TMEM117: variants seen among roughly 807,000 people sequenced by gnomAD.
TMEM117 encodes transmembrane protein 117.
A neutral mutation model predicts 52.4 loss-of-function variants in TMEM117; 27 were observed. The observed-to-expected ratio is 0.51, with a 90% confidence interval of 0.38 to 0.71. The LOEUF (loss-of-function observed/expected upper bound fraction) is 0.71. Ranked by LOEUF, TMEM117 falls within the 30% of genes least tolerant of loss-of-function variation. The probability of loss-of-function intolerance (pLI) is 0.00; values close to 1 mark genes in which losing one functional copy is unlikely to be tolerated. For synonymous variants in TMEM117, 215 were observed against 206.3 expected, an observed-to-expected ratio of 1.04 and a Z score of -0.36; for missense variants, 556 against 630.5, an observed-to-expected ratio of 0.88 and a Z score of 1.26.
intron 4 of TMEM117, among the ~76,000 whole-genome samples, chr12:44,179,477 G>A (rs1335229996): frequency 1.3e-5 from 2 of 152,244 alleles, no homozygotes; most frequent in South Asian, 4.1e-4. Context: ...GGAACCTGGA[G>A]TCTGATGTCG....
chr12:44,243,469 A>C (rs2138488447), intron 5 of TMEM117, among the ~76,000 whole-genome samples: 1 of 152,034 alleles, frequency 6.6e-6, no homozygotes, highest in South Asian at 2.1e-4. Context: ...GTATAAATGC[A>C]TTCAAACCAG....
At chr12:44,086,457 C>T (rs1225732879) in intron 3 of TMEM117, among the ~76,000 whole-genome samples, 10 of 151,942 alleles carry the variant, frequency 6.6e-5, no homozygotes, top group East Asian at 1.9e-4. Context: ...CCTCGTGATC[C>T]GCCCCTCTCA....
chr12:44,113,909 G>A (rs1948082181), intron 3 of TMEM117, among the ~76,000 whole-genome samples: 1 of 101,290 alleles, frequency 9.9e-6, no homozygotes, highest in Admixed American at 1.0e-4. Context: ...ATAGTCTCGT[G>A]GTGCGCCGTT....
chr12:44,068,780 G>T (rs1246686684), intron 3 of TMEM117, among the ~76,000 whole-genome samples: 1 of 152,198 alleles, frequency 6.6e-6, no homozygotes, highest in African/African-American at 2.4e-5. Flanking sequence ...AGCCCATGCT[G>T]TTGGGAAAAC....
chr12:44,364,642 G>A (rs1951765741), intron 6 of TMEM117, among the ~76,000 whole-genome samples: 1 of 152,052 alleles, frequency 6.6e-6, no homozygotes, highest in South Asian at 2.1e-4. Context: ...TCCTTTAAGT[G>A]AAGGGCTTCT....
intron 3 of TMEM117, among the ~76,000 whole-genome samples, chr12:44,032,363 TAA>T (rs1946646824): frequency 6.6e-6 from 1 of 152,260 alleles, no homozygotes; most frequent in Non-Finnish European, 1.5e-5. Flanking sequence ...CAGTTGATTT[TAA>T]GTTTGTTTCT....
intron 6 of TMEM117, among the ~76,000 whole-genome samples, chr12:44,371,682 G>A (rs1951865719): frequency 6.6e-6 from 1 of 152,138 alleles, no homozygotes; most frequent in Non-Finnish European, 1.5e-5. Context: ...TCAAGTTTGA[G>A]TTTCCCTGAA....
chr12:44,126,612 C>G (rs1231807639), intron 3 of TMEM117, among the ~76,000 whole-genome samples: 21 of 152,170 alleles, frequency 1.4e-4, no homozygotes, highest in Admixed American at 1.3e-3. Flanking sequence ...CAGTGTTTCT[C>G]ATAGGCTGAT....
At chr12:44,306,145 G>A (rs1950900499) in intron 6 of TMEM117, among the ~76,000 whole-genome samples, 1 of 152,060 alleles carries the variant, frequency 6.6e-6, no homozygotes, top group African/African-American at 2.4e-5. Flanking sequence ...GGGAAGAGGG[G>A]AATGGACCGA....
intron 5 of TMEM117, 28 bp downstream of exon 5, chr12:44,211,415 C>T: frequency 6.6e-7 from 1 of 1,509,638 alleles, no homozygotes; most frequent in Non-Finnish European, 9.1e-7. Context: ...TTATTTATTT[C>T]TGCCTTGCCT....
intron 2 of TMEM117, among the ~76,000 whole-genome samples, chr12:43,928,518 G>A (rs1944818092): frequency 6.6e-6 from 1 of 151,746 alleles, no homozygotes; most frequent in Non-Finnish European, 1.5e-5. Flanking sequence ...GGAGTATTTA[G>A]TCCATTTGTA....
intron 3 of TMEM117, among the ~76,000 whole-genome samples, chr12:44,014,390 G>A (rs7138765): frequency 0.015 from 2,351 of 152,264 alleles, 61 homozygotes; most frequent in African/African-American, 0.052. Flanking sequence ...TGCCTGAGGA[G>A]CTGAGTTTCT....
intron 2 of TMEM117, among the ~76,000 whole-genome samples, chr12:43,938,920 AGCCCAG>A (rs991961678): frequency 1.6e-4 from 24 of 151,974 alleles, no homozygotes; most frequent in Non-Finnish European, 3.4e-4. Flanking sequence ...GAATCACTTG[AGCCCAG>A]GCGGTGGAGG....
At chr12:44,115,035 A>G (rs1325272821) in intron 3 of TMEM117, among the ~76,000 whole-genome samples, 1 of 152,228 alleles carries the variant, frequency 6.6e-6, no homozygotes, top group African/African-American at 2.4e-5. Flanking sequence ...TTTATCTTTA[A>G]GAGCTGTATA....
At chr12:43,918,972 G>A (rs889718574) in intron 2 of TMEM117, among the ~76,000 whole-genome samples, 6 of 151,798 alleles carry the variant, frequency 4.0e-5, no homozygotes, top group Admixed American at 1.3e-4. Flanking sequence ...CTCCTTTATC[G>A]GCTCTTCTTT....
intron 4 of TMEM117, among the ~76,000 whole-genome samples, chr12:44,204,263 A>G (rs950001246): frequency 6.6e-6 from 1 of 152,202 alleles, no homozygotes; most frequent in Non-Finnish European, 1.5e-5. Flanking sequence ...GCATTTCTGT[A>G]TGTCAATAAT....
intron 3 of TMEM117, among the ~76,000 whole-genome samples, chr12:44,123,307 A>G (rs1948268400): frequency 6.6e-6 from 1 of 151,820 alleles, no homozygotes; most frequent in Non-Finnish European, 1.5e-5. Context: ...GATGTTTGTC[A>G]GACAGATAGA....
At chr12:44,288,470 T>C (rs7296406) in intron 5 of TMEM117, among the ~76,000 whole-genome samples, 7,143 of 152,230 alleles carry the variant, frequency 0.047, 344 homozygotes, top group African/African-American at 0.12. Flanking sequence ...GGAAGTACAT[T>C]ATAAAGCCAG....
intron 2 of TMEM117, among the ~76,000 whole-genome samples, chr12:43,925,766 C>T (rs1941677146): frequency 1.3e-5 from 2 of 152,186 alleles, no homozygotes; most frequent in Non-Finnish European, 2.9e-5. Context: ...TAGTGTGCTT[C>T]TATATCTGGT....
Sources: allele counts gnomAD v4.1 joint callset (sites outside exome capture counted in the v4.1 genomes callset), GRCh38; gene constraint gnomAD v4.1.1; transcripts MANE v1.5; gene names NCBI Gene and HGNC (gene_info 2026-07-23, HGNC 2026-07-21).